BICRAL: variants seen among roughly 807,000 people sequenced by gnomAD.
BICRAL encodes BRD4-interacting chromatin-remodeling complex-associated protein-like.
In BICRAL, 8 loss-of-function variants were observed where a neutral mutation model predicts 91.8. That is an observed-to-expected ratio of 0.09 (90% CI 0.05 to 0.16). The LOEUF is 0.16. BICRAL is among the 10% of genes least tolerant of loss of function. The pLI, the probability that BICRAL is intolerant of heterozygous loss-of-function variation, is 1.00. For synonymous variants in BICRAL, 445 were observed against 491.1 expected (o/e 0.91, Z 1.24); for missense variants, 1,038 against 1,310.9 (o/e 0.79, Z 3.21).
Position 42,828,538 on chromosome 6 carries a change from G to A in BICRAL, c.205G>A (p.Gly69Arg). ...CCTCAAAGGTGTAAGCAACCAGCTT[G>A]GAGAAGGGCCCAGTGATGGACTGCC... ...SSLKGVSNQL[G>R]EGPSDGLPLS... Residue 69 changes from glycine to arginine, a missense_variant, in exon 6 of 13, where the codon GGA becomes AGA. Physicochemically the swap from Gly to Arg is moderately radical, Grantham distance 125. Transcript: ENST00000314073. 6.2e-7 allele frequency: 1 copy of A among 1,613,670 alleles called. No individual in the cohort carries two copies. The highest frequency in any genetic ancestry group is 8.5e-7 in the Non-Finnish European group (1 of 1,179,648).
intron 1 of BICRAL, among the ~76,000 whole-genome samples, chr6:42,756,119 C>T (rs1762454715): frequency 6.6e-6 from 1 of 152,224 alleles, no homozygotes; most frequent in Admixed American, 6.5e-5. Context: ...TAACAATAGA[C>T]TTTTAAAACA....
rs921530310 is a variant in BICRAL, at chr6:42,819,320, C to G, written c.-5-2698C>G. On this transcript the variant is annotated intron_variant, in intron 2 of 12. Transcript: ENST00000314073. ...TTATTTTTTGAGACAGAATCTCTCTCTGTCACCCAGGCTGGAGTGCAGTGG... is the reference window on the plus strand; with the variant it reads ...TTATTTTTTGAGACAGAATCTCTCTGTGTCACCCAGGCTGGAGTGCAGTGG... Among the ~76,000 whole-genome samples the G allele has an allele frequency of 2.0e-5, 3 of 152,148 alleles. No individual in the cohort carries two copies. In the South Asian group the frequency reaches 6.2e-4, roughly 32 times the overall value.
chr6:42,750,328 A>AT (rs1396319445), intron 1 of BICRAL, among the ~76,000 whole-genome samples: 1 of 148,652 alleles, frequency 6.7e-6, no homozygotes, highest in Non-Finnish European at 1.5e-5. Context: ...TCCCAGCTAA[A>AT]TTTGGTATTT....
intron 6 of BICRAL, among the ~76,000 whole-genome samples, chr6:42,842,935 G>A (rs891302149): frequency 6.6e-6 from 1 of 151,018 alleles, no homozygotes; most frequent in Non-Finnish European, 1.5e-5. Flanking sequence ...CTCACTGCAA[G>A]CTCCGCCTCC....
rs141915948 is a variant in BICRAL at position 42,864,841 on chromosome 6, C to G, written c.2635C>G (p.His879Asp). Residue 879 changes from histidine (H) to aspartate (D), a missense_variant, in exon 13 of 13, where the codon CAT becomes GAT. Coordinates refer to ENST00000314073, the MANE Select transcript of BICRAL (RefSeq NM_001393499.1). ...GGAACCCATGAATCATGACCAGTTT[C>G]ATCTAGTGCCTAATCACATCGTGGT... is the stretch of plus-strand genomic sequence containing the variant. The part of the protein sequence containing the change: ...VTEPMNHDQF[H>D]LVPNHIVVSA... 196 of 1,614,192 alleles carry G rather than the reference C, an allele frequency of 1.2e-4. No homozygotes were observed. The African/African-American group carries it at 2.3e-3, about 19-fold the overall frequency.
intron 1 of BICRAL, among the ~76,000 whole-genome samples, chr6:42,803,260 G>C (rs747211520): frequency 9.9e-5 from 15 of 152,182 alleles, no homozygotes; most frequent in Non-Finnish European, 1.9e-4. Flanking sequence ...ATCTTGGAAG[G>C]ACACACAATC....
At position 42,829,282 on chromosome 6, in the gene BICRAL, C is replaced by T; in HGVS notation, c.949C>T (p.Pro317Ser). Reference sequence around the variant, plus strand: ...AGTCCCAATTAATATACAGCCAAAGCCTATCCAGATGGGTCAGCAAAATAC... The same window carrying T: ...AGTCCCAATTAATATACAGCCAAAGTCTATCCAGATGGGTCAGCAAAATAC... ...NKVPINIQPKPIQMGQQNTYN... is the reference protein window; with the variant it reads ...NKVPINIQPKSIQMGQQNTYN... The change falls in exon 6 of 13, where the codon CCT becomes TCT. Residue 317 changes from proline to serine, a missense_variant. Pro to Ser is a moderately conservative substitution (Grantham distance 74, BLOSUM62 -1). Transcript: ENST00000314073. 1.2e-6 allele frequency: 2 copies of T among 1,614,096 alleles called. No homozygotes were observed. The highest frequency in any genetic ancestry group is 1.7e-6 in the Non-Finnish European group (2 of 1,179,974).
rs1272263715 is a variant in BICRAL at position 42,853,693 on chromosome 6, G to A, written c.2001G>A (p.Gln667=). Residue 667 remains glutamine, a synonymous_variant, in exon 8 of 13, where the codon CAG becomes CAA. Transcript: ENST00000314073. ...CATCCTTAGGAACCGCACAACCACA[G>A]CAGGAAAAAGTAGTTGGATCATCTC... The part of the protein sequence containing the change: ...ISASLGTAQP[Q]QEKVVGSSPG... The A allele has an allele frequency of 2.5e-6, 4 of 1,613,938 alleles. No individual in the cohort carries two copies. The highest frequency in any genetic ancestry group is 3.4e-6 in the Non-Finnish European group (4 of 1,179,902).
At chr6:42,826,809 A>T (rs1322586816) in intron 5 of BICRAL, among the ~76,000 whole-genome samples, 1 of 151,036 alleles carries the variant, frequency 6.6e-6, no homozygotes, top group Non-Finnish European at 1.5e-5. Context: ...TTTTTGAGAC[A>T]AAGTTTCGCT....
At chr6:42,762,647 G>A (rs1453270775) in intron 1 of BICRAL, among the ~76,000 whole-genome samples, 2 of 152,170 alleles carry the variant, frequency 1.3e-5, no homozygotes, top group Non-Finnish European at 2.9e-5. Flanking sequence ...CCTGGCATGT[G>A]AGGCACCCAA....
intron 1 of BICRAL, among the ~76,000 whole-genome samples, chr6:42,796,985 C>T (rs1343924176): frequency 1.4e-5 from 2 of 140,934 alleles, no homozygotes; most frequent in Non-Finnish European, 1.5e-5. Flanking sequence ...GCAGAGGTTG[C>T]GTGAGCTGAA....
At chr6:42,784,123 T>C (rs1223788345) in intron 1 of BICRAL, among the ~76,000 whole-genome samples, 2 of 152,344 alleles carry the variant, frequency 1.3e-5, no homozygotes, top group East Asian at 3.9e-4. Flanking sequence ...TTCCAGTTTT[T>C]TGAAACTTTT....
chr6:42,772,722 A>G (rs1385808821), intron 1 of BICRAL, among the ~76,000 whole-genome samples: 2 of 152,194 alleles, frequency 1.3e-5, no homozygotes, highest in African/African-American at 4.8e-5. Flanking sequence ...GAATCTAGAA[A>G]GATGATCTTT....
chr6:42,864,980 G>C lies in BICRAL; in HGVS notation c.2774G>C (p.Arg925Thr). Residue 925 changes from arginine (R) to threonine (T), a missense_variant, in exon 13 of 13, where the codon AGA becomes ACA. Around this residue, in one of 5 missense-constraint regions of BICRAL, gnomAD observed 294 missense variants for 292.6 expected, o/e 1.00. Coordinates refer to ENST00000314073, the MANE Select transcript of BICRAL (RefSeq NM_001393499.1). ...ACGTCTGAAGAGAAGGCCAGCCGGA[G>C]AGAGCCTCTGAAGGCCAGTCAGTGC... ...QSTSEEKASR[R>T]EPLKASQCSP... 6.2e-7 allele frequency: 1 copy of C among 1,614,118 alleles called. No individual in the cohort carries two copies. The highest frequency in any genetic ancestry group is 1.3e-5 in the African/African-American group (1 of 75,046).
intron 2 of BICRAL, among the ~76,000 whole-genome samples, chr6:42,814,499 G>GTATATATATA (rs1554278814): frequency 1.6e-5 from 1 of 61,270 alleles, no homozygotes; most frequent in African/African-American, 7.9e-5. Flanking sequence ...GTGTGTGTGT[G>GTATATATATA]TATATATATA....
chr6:42,814,519 A>ATATATATATATATATATAT, intron 2 of BICRAL, among the ~76,000 whole-genome samples: 1 of 80,212 alleles, frequency 1.2e-5, no homozygotes, highest in African/African-American at 6.6e-5. Flanking sequence ...ATATATATAT[A>ATATATATATATATATATAT]TTTTTTTTTT....
At chr6:42,850,050 AAT>A (rs1554282451) in intron 6 of BICRAL, among the ~76,000 whole-genome samples, 1 of 151,790 alleles carries the variant, frequency 6.6e-6, no homozygotes, top group Non-Finnish European at 1.5e-5. Context: ...AAATAAATAA[AAT>A]AAATAAATAA....
At chr6:42,791,591 C>T (rs1422074045) in intron 1 of BICRAL, among the ~76,000 whole-genome samples, 2 of 152,160 alleles carry the variant, frequency 1.3e-5, no homozygotes, top group Admixed American at 6.5e-5. Flanking sequence ...GTTAAACCTT[C>T]ACCTTGTTTG....
chr6:42,818,758 T>G (rs758640611), intron 2 of BICRAL, among the ~76,000 whole-genome samples: 1 of 152,232 alleles, frequency 6.6e-6, no homozygotes, highest in Non-Finnish European at 1.5e-5. Flanking sequence ...GTGTAAGATA[T>G]GAGGTGTGAA....
Sources: gnomAD v4.1 joint callset for allele counts (sites outside exome capture counted in the v4.1 genomes callset) on GRCh38, gnomAD v4.1.1 for gene constraint, gnomAD v4.1.1 regional missense constraint, MANE v1.5 for transcripts, NCBI Gene and HGNC (gene_info 2026-07-23, HGNC 2026-07-21) for gene names.